Variants in TMEM161B observed in about 807,000 individuals in gnomAD.
TMEM161B encodes the protein transmembrane protein 161B.
TMEM161B carries 34 observed loss-of-function variants against 61.8 expected under a neutral mutation model. That is an observed-to-expected ratio of 0.55 (90% CI 0.42 to 0.73). TMEM161B has a LOEUF of 0.73. TMEM161B is among the 30% of genes least tolerant of loss of function. The probability of loss-of-function intolerance (pLI) is 0.00; values close to 1 mark genes in which losing one functional copy is unlikely to be tolerated. For missense variants in TMEM161B, 456 were observed against 558.5 expected (o/e 0.82, Z 1.85); for synonymous variants, 167 against 192.8 (o/e 0.87, Z 1.11).
chr5:88,235,617 C>T (rs1248847152), intron 2 of TMEM161B, among the ~76,000 whole-genome samples: 1 of 152,136 alleles, frequency 6.6e-6, no homozygotes, highest in Non-Finnish European at 1.5e-5. Context: ...TTACCAGAAC[C>T]TGACCATACT....
Position 88,196,362 on chromosome 5 carries a change from T to C in TMEM161B, c.1313A>G (p.Gln438Arg). The change falls in exon 12 of 12, where the codon CAA becomes CGA. Residue 438 changes from glutamine (Q) to arginine (R), a missense_variant. Transcript: ENST00000296595. Reference sequence around the variant, plus strand: ...TAAGCTGCTCAGTGCCACTGTTATTTGTGTAACAGTTACCTTCATTTTCCC... The same window carrying C: ...TAAGCTGCTCAGTGCCACTGTTATTCGTGTAACAGTTACCTTCATTTTCCC... ...AEGKMKVTVTQITVALSSLKN... is the reference protein window; with the variant it reads ...AEGKMKVTVTRITVALSSLKN... 3 of 1,613,418 alleles carry C rather than the reference T, an allele frequency of 1.9e-6. No homozygotes were observed. The South Asian group carries it at 3.3e-5, about 18-fold the overall frequency.
At chr5:88,224,618 C>T (rs1749649579) in intron 4 of TMEM161B, among the ~76,000 whole-genome samples, 1 of 152,106 alleles carries the variant, frequency 6.6e-6, no homozygotes, top group African/African-American at 2.4e-5. Context: ...TTCCTTTCTA[C>T]TATATGTGAG....
intron 3 of TMEM161B, among the ~76,000 whole-genome samples, chr5:88,227,698 G>T (rs1438038899): frequency 1.3e-5 from 2 of 152,088 alleles, no homozygotes; most frequent in Admixed American, 6.6e-5. Context: ...TGATATACAT[G>T]AGAAATATGG....
intron 5 of TMEM161B, among the ~76,000 whole-genome samples, chr5:88,218,690 A>G (rs912834743): frequency 6.6e-6 from 1 of 152,194 alleles, no homozygotes; most frequent in African/African-American, 2.4e-5. Flanking sequence ...CCTGTCTCAA[A>G]AGAAAAAGAA....
rs1346728129 is a variant in TMEM161B, at chr5:88,196,164, TTTTAA to T, written c.*42_*46del. ...CATCAGCCCTTTAAGGGCACAGATA[TTTTAA>T]TTTAAAGGGTGATTTGGATATGCTT... On this transcript the variant is annotated 3_prime_UTR_variant, in exon 12 of 12. Coordinates refer to ENST00000296595, the MANE Select transcript of TMEM161B (RefSeq NM_153354.5). 6.5e-7 allele frequency: 1 copy of T among 1,547,616 alleles called. No individual in the cohort carries two copies. The highest frequency in any genetic ancestry group is 1.4e-5 in the African/African-American group (1 of 72,192).
rs1561370729 is a variant in TMEM161B, at chr5:88,228,449, CT to C, written c.186del (p.Asp63IlefsTer13). 2.5e-6 allele frequency: 4 copies of C among 1,601,472 alleles called. No individual in the cohort carries two copies. Among genetic ancestry groups the C allele is most frequent in the South Asian group, 1.1e-5 (1 of 88,062 alleles). On this transcript the variant is annotated frameshift_variant, in exon 3 of 12. Transcript: ENST00000296595. LOFTEE classifies it high-confidence loss of function. ...AGKQQKGKTK[K>X]DRKYNGHIES... ...TACAAGCTCAATAAAACTTACCTAT[CT>C]TTTTTGGTTTTCCCTTTTTGTTGTT... is the stretch of plus-strand genomic sequence containing the variant.
chr5:88,249,794 C>T (rs1754089462), intron 1 of TMEM161B, among the ~76,000 whole-genome samples: 1 of 152,112 alleles, frequency 6.6e-6, no homozygotes. Flanking sequence ...CCAGTCCTTT[C>T]AGATCAGCTG....
chr5:88,245,011 T>C (rs1408007299), intron 1 of TMEM161B, among the ~76,000 whole-genome samples: 1 of 151,850 alleles, frequency 6.6e-6, no homozygotes, highest in Non-Finnish European at 1.5e-5. Flanking sequence ...TTTGCTCAAG[T>C]TGTGTGTCAG....
At chr5:88,213,375 T>C (rs1747210591) in intron 5 of TMEM161B, among the ~76,000 whole-genome samples, 1 of 152,084 alleles carries the variant, frequency 6.6e-6, no homozygotes, top group Non-Finnish European at 1.5e-5. Context: ...ATATGCAGTT[T>C]CCATTACTTT....
At chr5:88,234,571 T>C (rs1373054537) in intron 2 of TMEM161B, among the ~76,000 whole-genome samples, 3 of 152,168 alleles carry the variant, frequency 2.0e-5, no homozygotes, top group Non-Finnish European at 4.4e-5. Context: ...GTCTTTTCCT[T>C]TGGTATTAAG....
chr5:88,265,444 T>C (rs1756256612), intron 1 of TMEM161B, among the ~76,000 whole-genome samples: 1 of 152,148 alleles, frequency 6.6e-6, no homozygotes, highest in Admixed American at 6.5e-5. Flanking sequence ...ACATGCACAG[T>C]TCACAACAGG....
At chr5:88,227,844 A>G (rs991609678) in intron 3 of TMEM161B, among the ~76,000 whole-genome samples, 4 of 152,222 alleles carry the variant, frequency 2.6e-5, no homozygotes, top group African/African-American at 9.6e-5. Context: ...CTATTTAAAT[A>G]GAGATATAAA....
chr5:88,240,944 T>C (rs772756892), intron 1 of TMEM161B, 28 bp from the exon 2 acceptor site: 3 of 1,459,712 alleles, frequency 2.1e-6, no homozygotes, highest in Middle Eastern at 1.8e-4. Flanking sequence ...ACAAATTTAA[T>C]AATGAATGAT....
intron 5 of TMEM161B, among the ~76,000 whole-genome samples, chr5:88,216,533 A>G (rs945377063): frequency 5.3e-5 from 8 of 152,192 alleles, no homozygotes; most frequent in Admixed American, 2.6e-4. Flanking sequence ...CAGCTGACAC[A>G]TGATTAGTAT....
At chr5:88,188,102 G>A (rs1329819179), downstream of TMEM161B, among the ~76,000 whole-genome samples, 1 of 151,820 alleles carries the variant, frequency 6.6e-6, no homozygotes, top group Non-Finnish European at 1.5e-5. Context: ...AATGATTTCA[G>A]TATTTTTACT....
At chr5:88,186,728 G>T (rs1015356067), downstream of TMEM161B, among the ~76,000 whole-genome samples, 2 of 151,808 alleles carry the variant, frequency 1.3e-5, no homozygotes, top group Admixed American at 1.3e-4. Flanking sequence ...TCAGAAGTTC[G>T]AGACCAGCCT....
downstream of TMEM161B, among the ~76,000 whole-genome samples, chr5:88,185,640 G>C (rs1748324363): frequency 6.6e-6 from 1 of 152,126 alleles, no homozygotes; most frequent in African/African-American, 2.4e-5. Flanking sequence ...TATTTTTAAA[G>C]ACTCAATTTG....
intron 1 of TMEM161B, among the ~76,000 whole-genome samples, chr5:88,265,843 A>C (rs1344763159): frequency 6.6e-6 from 1 of 152,192 alleles, no homozygotes; most frequent in Non-Finnish European, 1.5e-5. Context: ...CCATTGTTCA[A>C]TTACAGCAGT....
chr5:88,218,671 G>A (rs548936589), intron 5 of TMEM161B, among the ~76,000 whole-genome samples: 39 of 152,192 alleles, frequency 2.6e-4, no homozygotes, highest in African/African-American at 8.7e-4. Context: ...CTAGGCAACA[G>A]AGTGAGACCC....
Sources: gnomAD v4.1 joint callset for allele counts (sites outside exome capture counted in the v4.1 genomes callset) on GRCh38, gnomAD v4.1.1 for gene constraint, MANE v1.5 for transcripts, NCBI Gene and HGNC (gene_info 2026-07-23, HGNC 2026-07-21) for gene names.